Variants in RIMS2 observed in about 807,000 individuals in gnomAD.
RIMS2 encodes regulating synaptic membrane exocytosis protein 2.
In RIMS2, 59 loss-of-function variants were observed where a neutral mutation model predicts 174.4. The ratio of observed to expected loss-of-function variants is 0.34; its 90% CI spans 0.27 to 0.42. The LOEUF (loss-of-function observed/expected upper bound fraction) is 0.42. RIMS2 is among the 10% of genes least tolerant of loss of function. The pLI is 1.00. For missense variants in RIMS2, 1,620 were observed against 1,666.3 expected (o/e 0.97, Z 0.48); for synonymous variants, 606 against 572.5 (o/e 1.06, Z -0.84).
rs1268730059 is a variant in RIMS2 at position 103,779,193 on chromosome 8, G to C, written c.698+12656G>C. ...TTGCAAATATTTTCTGCCATTATAT[G>C]GGTTGTCTCTTCATTTTGTTTATTG... On this transcript the variant is annotated intron_variant, in intron 3 of 23. Coordinates refer to ENST00000504942, the Ensembl canonical transcript of RIMS2. Among the ~76,000 whole-genome samples the C allele has an allele frequency of 2.0e-5, 3 of 152,012 alleles. No homozygotes were observed. The South Asian group carries it at 6.2e-4, about 32-fold the overall frequency.
At chr8:103,658,058 G>C (rs2096552740) in intron 1 of RIMS2, among the ~76,000 whole-genome samples, 1 of 152,094 alleles carries the variant, frequency 6.6e-6, no homozygotes, top group Non-Finnish European at 1.5e-5. Context: ...ATAATGACTA[G>C]GATCAAGGTC....
intron 19 of RIMS2, among the ~76,000 whole-genome samples, chr8:104,168,812 G>A (rs757659330): frequency 3.3e-4 from 50 of 151,950 alleles, no homozygotes; most frequent in African/African-American, 7.0e-4. Flanking sequence ...TTATTTTGAG[G>A]TATGTCACTT....
At chr8:103,654,992 A>G (rs35294891) in intron 1 of RIMS2, among the ~76,000 whole-genome samples, 26,755 of 151,730 alleles carry the variant, frequency 0.18, 2,535 homozygotes, top group African/African-American at 0.24. Flanking sequence ...GAAAAATCTA[A>G]TGATGATGTA....
chr8:104,168,211 T>A (rs2098809191), intron 19 of RIMS2, among the ~76,000 whole-genome samples: 1 of 152,072 alleles, frequency 6.6e-6, no homozygotes, highest in Non-Finnish European at 1.5e-5. Flanking sequence ...AATGATGATG[T>A]TATTTTGATG....
chr8:104,162,008 G>A (rs1371011722), intron 19 of RIMS2, among the ~76,000 whole-genome samples: 2 of 152,148 alleles, frequency 1.3e-5, no homozygotes, highest in Admixed American at 1.3e-4. Context: ...CTGCTTTTAA[G>A]GGCTTATGTA....
intron 3 of RIMS2, among the ~76,000 whole-genome samples, chr8:103,790,053 T>G (rs185390655): frequency 6.6e-6 from 1 of 152,342 alleles, no homozygotes; most frequent in African/African-American, 2.4e-5. Context: ...TGAGCCACCC[T>G]GCCCAGCATG....
chr8:103,677,134 T>C (rs1373872064), intron 1 of RIMS2, among the ~76,000 whole-genome samples: 1 of 152,162 alleles, frequency 6.6e-6, no homozygotes, highest in Non-Finnish European at 1.5e-5. Flanking sequence ...GTAGATATAG[T>C]TGGAAGTTGA....
chr8:103,957,670 T>C (rs751955834), intron 14 of RIMS2, among the ~76,000 whole-genome samples: 35 of 152,144 alleles, frequency 2.3e-4, no homozygotes, highest in Non-Finnish European at 4.1e-4. Flanking sequence ...GATGGTTTGA[T>C]GGATGCCACA....
At chr8:104,235,212 G>A (rs545544957) in intron 19 of RIMS2, among the ~76,000 whole-genome samples, 1 of 152,182 alleles carries the variant, frequency 6.6e-6, no homozygotes, top group South Asian at 2.1e-4. Flanking sequence ...CCTGAGATGA[G>A]GTTTCAAGTC....
At chr8:103,592,200 T>A (rs1432206006) in intron 1 of RIMS2, among the ~76,000 whole-genome samples, 2 of 151,276 alleles carry the variant, frequency 1.3e-5, no homozygotes, top group Non-Finnish European at 1.5e-5. Context: ...TTTCACAATT[T>A]TCTTTCTGTT....
chr8:103,838,713 T>A (rs2098919787), intron 3 of RIMS2, among the ~76,000 whole-genome samples: 1 of 152,158 alleles, frequency 6.6e-6, no homozygotes. Context: ...CTACTGTTAA[T>A]CATGTGCAGT....
At chr8:104,106,037 C>CCA (rs1555230751) in intron 19 of RIMS2, among the ~76,000 whole-genome samples, 4 of 56,914 alleles carry the variant, frequency 7.0e-5, no homozygotes, top group African/African-American at 1.8e-4. Context: ...GACTCTGCCA[C>CCA]AAAAAAAAAA....
intron 3 of RIMS2, chr8:103,768,980 T>G (rs966922453): frequency 2.7e-6 from 1 of 365,626 alleles, no homozygotes; most frequent in Admixed American, 3.4e-5. Flanking sequence ...AAATGCAGGC[T>G]TTCCTGTCTG....
At chr8:103,865,217 C>T (rs1352467297) in intron 3 of RIMS2, among the ~76,000 whole-genome samples, 1 of 150,944 alleles carries the variant, frequency 6.6e-6, no homozygotes, top group African/African-American at 2.4e-5. Flanking sequence ...TTTCCAACTA[C>T]CTTTAAAATT....
chr8:103,712,583 T>G (rs2097319656), intron 2 of RIMS2, among the ~76,000 whole-genome samples: 1 of 152,146 alleles, frequency 6.6e-6, no homozygotes, highest in Non-Finnish European at 1.5e-5. Flanking sequence ...TAGATTTCAT[T>G]TAGCATATAT....
intron 19 of RIMS2, among the ~76,000 whole-genome samples, chr8:104,240,030 T>A (rs2099278488): frequency 1.3e-5 from 2 of 152,170 alleles, no homozygotes; most frequent in African/African-American, 4.8e-5. Flanking sequence ...TGCTCTCACA[T>A]CCTTTCCATG....
chr8:104,093,634 A>C, intron 19 of RIMS2: 1 of 1,594,698 alleles, frequency 6.3e-7, no homozygotes, highest in Non-Finnish European at 8.5e-7. Context: ...GGAGGAAACA[A>C]GAAAATCAGG....
intron 1 of RIMS2, among the ~76,000 whole-genome samples, chr8:103,676,694 A>G (rs116673083): frequency 0.013 from 1,932 of 151,892 alleles, 37 homozygotes; most frequent in African/African-American, 0.043. Context: ...TTTAAAATAT[A>G]CTCCTTGGCT....
chr8:103,804,411 G>A (rs956586946), intron 3 of RIMS2, among the ~76,000 whole-genome samples: 5 of 152,182 alleles, frequency 3.3e-5, no homozygotes, highest in Non-Finnish European at 5.9e-5. Flanking sequence ...TAAATTTTCC[G>A]TAGTCTCCTC....
Sources: gnomAD v4.1 joint callset for allele counts (sites outside exome capture counted in the v4.1 genomes callset) on GRCh38, gnomAD v4.1.1 for gene constraint, MANE v1.5 for transcripts, NCBI Gene and HGNC (gene_info 2026-07-23, HGNC 2026-07-21) for gene names.